The following CDH3 variants were observed in gnomAD, a reference collection of about 807,000 sequenced individuals.
CDH3 encodes the protein cadherin 3.
Under a neutral mutation model 82.0 loss-of-function variants are expected in CDH3, and 54 were observed. The observed-to-expected ratio is 0.66, with a 90% CI of 0.53 to 0.83. The LOEUF is 0.83. Among genes scored for constraint, CDH3 ranks in the 40% least tolerant of loss-of-function variants. CDH3 has a pLI of 0.00. For synonymous variants in CDH3, 446 were observed against 437.9 expected (o/e 1.02, Z -0.23); for missense variants, 1,054 against 1,084.6 (o/e 0.97, Z 0.40).
chr16:68,686,261 G>T (rs1484376855), intron 11 of CDH3: 1 of 638,454 alleles, frequency 1.6e-6, no homozygotes, highest in East Asian at 2.7e-5. Context: ...AGCGGCAAGG[G>T]CTGGGGTGAG....
intron 2 of CDH3, among the ~76,000 whole-genome samples, chr16:68,655,954 G>A (rs913506720): frequency 2.6e-5 from 4 of 152,120 alleles, no homozygotes; most frequent in African/African-American, 4.8e-5. Context: ...GAGAAACCTC[G>A]AGGAACTGAT....
downstream of CDH3, among the ~76,000 whole-genome samples, chr16:68,705,162 T>C (rs1329607895): frequency 6.6e-6 from 1 of 152,164 alleles, no homozygotes; most frequent in Non-Finnish European, 1.5e-5. Context: ...CCAGGTGGGC[T>C]CTTTTTACAA....
At position 68,685,247 on chromosome 16, in the gene CDH3, C is replaced by A; in HGVS notation, c.1467C>A (p.Asp489Glu). The change falls in exon 11 of 16, where the codon GAC (aspartate) becomes GAA (glutamate). Residue 489 changes from aspartate (D) to glutamate (E), a missense_variant. Coordinates refer to ENST00000264012, the MANE Select transcript of CDH3 (RefSeq NM_001793.6). ...ACCCAGCAGGGTGGCTAGCCATGGA[C>A]CCAGACAGTGGGCAGGTCACAGCTG... The part of the protein sequence containing the change: ...LRDPAGWLAM[D>E]PDSGQVTAVG... The A allele has an allele frequency of 6.2e-7, 1 of 1,614,130 alleles. No individual in the cohort carries two copies. The highest frequency in any genetic ancestry group is 8.5e-7 in the Non-Finnish European group (1 of 1,180,010).
At chr16:68,663,943 T>C (rs1960669018) in intron 2 of CDH3, among the ~76,000 whole-genome samples, 1 of 151,382 alleles carries the variant, frequency 6.6e-6, no homozygotes, top group Non-Finnish European at 1.5e-5. Flanking sequence ...TTTAGGTATA[T>C]CTCCTAAAGC....
Sources: allele counts gnomAD v4.1 joint callset (sites outside exome capture counted in the v4.1 genomes callset), GRCh38; gene constraint gnomAD v4.1.1; transcripts MANE v1.5; gene names NCBI Gene and HGNC (gene_info 2026-07-23, HGNC 2026-07-21).